The following ATP10D variants were observed in gnomAD, a reference collection of about 807,000 sequenced individuals.
The protein encoded by ATP10D is ATPase phospholipid transporting 10D (putative).
A neutral mutation model predicts 144.8 loss-of-function variants in ATP10D; 89 were observed. That is an observed-to-expected ratio of 0.61 (90% confidence interval 0.52 to 0.73). The LOEUF is 0.73. Ranked by LOEUF, ATP10D falls within the 30% of genes least tolerant of loss-of-function variation. The pLI, the probability that ATP10D is intolerant of heterozygous loss-of-function variation, is 0.00. For missense variants in ATP10D, 1,603 were observed against 1,714.8 expected (o/e 0.93, Z 1.15); for synonymous variants, 571 against 615.1 (o/e 0.93, Z 1.06).
chr4:47,583,130 A>C (rs1720607610), intron 21 of ATP10D: 1 of 152,270 alleles, frequency 6.6e-6, no homozygotes, highest in Non-Finnish European at 1.5e-5. Flanking sequence ...AAACAGAGAG[A>C]AACCTTGTCT....
intron 10 of ATP10D, among the ~76,000 whole-genome samples, chr4:47,547,716 T>G (rs1577671808): frequency 6.6e-6 from 1 of 152,050 alleles, no homozygotes; most frequent in East Asian, 1.9e-4. Flanking sequence ...TATCATATGG[T>G]TTTCACAGTA....
intron 1 of ATP10D, chr4:47,491,279 A>T (rs1336645441): frequency 6.7e-6 from 6 of 894,146 alleles, no homozygotes; most frequent in African/African-American, 3.3e-5. Flanking sequence ...AGACTCTTCC[A>T]GTTTTGCCAT....
At chr4:47,590,983 G>GT in intron 22 of ATP10D, 59 bp from the exon 23 acceptor site, 1 of 1,190,786 alleles carries the variant, frequency 8.4e-7, no homozygotes, top group Non-Finnish European at 1.2e-6. Flanking sequence ...ATTTGGGGGG[G>GT]GGGGTTCTGT....
In ATP10D at chr4:47,572,154, G is replaced by C. The variant is rs372999962; in HGVS notation, c.3164G>C (p.Gly1055Ala). Residue 1055 changes from glycine to alanine, a missense_variant and splice_region_variant, in exon 17 of 23, where the codon GGT becomes GCT. Gly to Ala is a moderately conservative substitution (Grantham distance 60). Coordinates refer to ENST00000273859, the MANE Select transcript of ATP10D (RefSeq NM_020453.4). ...TCTCCTTTTTTTCTGCCTCATGAAG[G>C]TGATGGTGCCAATGATGTTAGCATG... ...SHLQVMTLAIGDGANDVSMIQ... is the reference protein window; with the variant it reads ...SHLQVMTLAIADGANDVSMIQ... 8.1e-6 allele frequency: 13 copies of C among 1,613,752 alleles called. No homozygotes were observed. In the East Asian group the frequency reaches 2.5e-4, roughly 30 times the overall value.
At chr4:47,569,974 C>A (rs534490988) in intron 16 of ATP10D, among the ~76,000 whole-genome samples, 5 of 152,214 alleles carry the variant, frequency 3.3e-5, no homozygotes, top group Non-Finnish European at 5.9e-5. Flanking sequence ...GCCAGAGAAG[C>A]AGCAGAGGGC....
intron 5 of ATP10D, among the ~76,000 whole-genome samples, chr4:47,534,728 C>T (rs910421875): frequency 2.0e-5 from 3 of 152,140 alleles, no homozygotes; most frequent in Non-Finnish European, 4.4e-5. Flanking sequence ...TCATCAATTA[C>T]TAAGTTATCC....
chr4:47,514,902 A>AT (rs1282213853), intron 2 of ATP10D, among the ~76,000 whole-genome samples: 1 of 151,284 alleles, frequency 6.6e-6, no homozygotes, highest in African/African-American at 2.4e-5. Flanking sequence ...GCTTTTTTCT[A>AT]TTTTTTTATT....
At chr4:47,493,498 A>AT (rs1399080900) in intron 1 of ATP10D, among the ~76,000 whole-genome samples, 1 of 152,356 alleles carries the variant, frequency 6.6e-6, no homozygotes, top group East Asian at 1.9e-4. Flanking sequence ...GTATGCTAAT[A>AT]TAAGTGTTCT....
intron 3 of ATP10D, among the ~76,000 whole-genome samples, chr4:47,521,967 AG>A (rs1321204363): frequency 6.6e-6 from 1 of 152,250 alleles, no homozygotes; most frequent in Non-Finnish European, 1.5e-5. Context: ...TCTGTATGGC[AG>A]AATTTGTTAA....
At chr4:47,551,196 G>T (rs970954363) in intron 10 of ATP10D, among the ~76,000 whole-genome samples, 2 of 152,202 alleles carry the variant, frequency 1.3e-5, no homozygotes, top group African/African-American at 4.8e-5. Flanking sequence ...TCCCAGCTAG[G>T]CTTAGGGATT....
intron 10 of ATP10D, among the ~76,000 whole-genome samples, chr4:47,547,963 A>T (rs964512515): frequency 9.9e-5 from 15 of 152,214 alleles, no homozygotes; most frequent in African/African-American, 2.4e-5. Flanking sequence ...TGGAAGAAGA[A>T]TGTACACAGT....
intron 5 of ATP10D, among the ~76,000 whole-genome samples, chr4:47,528,387 G>A (rs895619451): frequency 1.1e-4 from 17 of 151,428 alleles, no homozygotes; most frequent in African/African-American, 4.1e-4. Context: ...TAGGACAATG[G>A]TCTCAAGCTC....
chr4:47,529,103 T>C (rs1476027971), intron 5 of ATP10D, among the ~76,000 whole-genome samples: 2 of 152,228 alleles, frequency 1.3e-5, no homozygotes, highest in Admixed American at 1.3e-4. Flanking sequence ...CTGTTTACTC[T>C]CTTGATTGTT....
chr4:47,546,820 T>C lies in ATP10D; in HGVS notation c.1593T>C (p.Ser531=). ...CTCTAGGAAGTGGAGAAGGAGCCAG[T>C]GAAGTGCCTCATTCCAGACAGGCTG... ...SFTLGSGEGA[S]EVPHSRQAAF... is the part of the protein sequence containing the mutation. The change falls in exon 10 of 23, where the codon AGT becomes AGC. Residue 531 remains serine, a synonymous_variant. Transcript: ENST00000273859. The C allele has an allele frequency of 1.2e-6, 2 of 1,613,344 alleles. No homozygotes were observed. Among genetic ancestry groups the C allele is most frequent in the Non-Finnish European group, 8.5e-7 (1 of 1,179,988 alleles).
chr4:47,529,873 A>AT (rs942812466), intron 5 of ATP10D, among the ~76,000 whole-genome samples: 3 of 151,998 alleles, frequency 2.0e-5, no homozygotes, highest in Admixed American at 6.6e-5. Context: ...GGTTAAACGT[A>AT]TTTCTAAGTA....
At chr4:47,513,686 T>C (rs1255607301) in intron 2 of ATP10D, among the ~76,000 whole-genome samples, 1 of 152,186 alleles carries the variant, frequency 6.6e-6, no homozygotes, top group East Asian at 1.9e-4. Context: ...GTAACATCTG[T>C]GCTGAGGAGC....
intron 20 of ATP10D, among the ~76,000 whole-genome samples, chr4:47,581,636 C>T (rs1023968622): frequency 1.3e-5 from 2 of 152,114 alleles, no homozygotes; most frequent in Non-Finnish European, 2.9e-5. Context: ...GTTATAATAG[C>T]TGCCTCAAAG....
intron 1 of ATP10D, among the ~76,000 whole-genome samples, chr4:47,500,675 G>T (rs1715636754): frequency 6.6e-6 from 1 of 152,188 alleles, no homozygotes; most frequent in Admixed American, 6.5e-5. Flanking sequence ...ACCTCCATTT[G>T]CACTTGTTAC....
chr4:47,572,099 T>TAC (rs1719982074), intron 16 of ATP10D, 55 bp from the exon 17 acceptor site: 7 of 1,524,182 alleles, frequency 4.6e-6, no homozygotes, highest in Non-Finnish European at 9.1e-7. Flanking sequence ...TTGCAACATT[T>TAC]ACACCCTTTC....
Sources: gnomAD v4.1 joint callset for allele counts (sites outside exome capture counted in the v4.1 genomes callset) on GRCh38, gnomAD v4.1.1 for gene constraint, MANE v1.5 for transcripts, NCBI Gene and HGNC (gene_info 2026-07-23, HGNC 2026-07-21) for gene names.